LRRC69: variants seen among roughly 807,000 people sequenced by gnomAD.
LRRC69 encodes the protein leucine-rich repeat-containing protein 69.
A neutral mutation model predicts 37.8 loss-of-function variants in LRRC69; 42 were observed. The ratio of observed to expected loss-of-function variants is 1.11; its 90% CI spans 0.87 to 1.44. The LOEUF is 1.44. LRRC69 is among the 40% of genes most tolerant of loss of function. The pLI, the probability that LRRC69 is intolerant of heterozygous loss-of-function variation, is 0.00. For missense variants in LRRC69, 357 were observed against 401.9 expected (o/e 0.89, Z 0.96); for synonymous variants, 141 against 143.1 (o/e 0.99, Z 0.11).
chr8:91,103,276 G>GGATCCTAAATACA (rs1305511857), intron 1 of LRRC69, among the ~76,000 whole-genome samples: 2 of 151,442 alleles, frequency 1.3e-5, no homozygotes. Context: ...GATGCAGCAA[G>GGATCCTAAATACA]GGAGTTCCTT....
At chr8:91,125,402 T>C (rs1813699860) in intron 2 of LRRC69, among the ~76,000 whole-genome samples, 2 of 151,882 alleles carry the variant, frequency 1.3e-5, no homozygotes, top group Non-Finnish European at 2.9e-5. Flanking sequence ...ATTTGGCAAA[T>C]AGCACAAGTA....
chr8:91,196,899 T>G (rs1809612670), intron 6 of LRRC69, among the ~76,000 whole-genome samples: 1 of 152,140 alleles, frequency 6.6e-6, no homozygotes, highest in South Asian at 2.1e-4. Flanking sequence ...CTGCGTTCCT[T>G]TGGAGGAGGA....
chr8:91,208,852 G>A (rs1809853310), intron 7 of LRRC69, among the ~76,000 whole-genome samples: 1 of 152,090 alleles, frequency 6.6e-6, no homozygotes, highest in South Asian at 2.1e-4. Flanking sequence ...ACTTCCCATT[G>A]GTCATGCTTC....
intron 7 of LRRC69, among the ~76,000 whole-genome samples, chr8:91,211,362 A>G (rs1809913909): frequency 6.6e-6 from 1 of 151,736 alleles, no homozygotes; most frequent in African/African-American, 2.4e-5. Flanking sequence ...AAATTTAAGG[A>G]TGCTTAAAAT....
intron 6 of LRRC69, among the ~76,000 whole-genome samples, chr8:91,199,288 T>C (rs1809674070): frequency 6.6e-6 from 1 of 152,194 alleles, no homozygotes; most frequent in Non-Finnish European, 1.5e-5. Flanking sequence ...AATATTAGTG[T>C]GAAAGCATGA....
At chr8:91,107,092 C>G (rs1473500934) in intron 1 of LRRC69, among the ~76,000 whole-genome samples, 2 of 150,672 alleles carry the variant, frequency 1.3e-5, no homozygotes, top group African/African-American at 4.9e-5. Context: ...GTAAGCCACC[C>G]CACCTAGCCC....
intron 5 of LRRC69, among the ~76,000 whole-genome samples, chr8:91,175,106 G>C (rs1280431133): frequency 6.6e-6 from 1 of 152,114 alleles, no homozygotes; most frequent in Non-Finnish European, 1.5e-5. Flanking sequence ...TGCTGTGCAT[G>C]TTTTCTTTTG....
chr8:91,190,920 G>A (rs960232317), intron 6 of LRRC69, among the ~76,000 whole-genome samples: 1 of 151,942 alleles, frequency 6.6e-6, no homozygotes. Context: ...GCCAGGCATG[G>A]CAGTGTGTGC....
At chr8:91,158,180 G>A in intron 5 of LRRC69, 1 of 1,604,458 alleles carries the variant, frequency 6.2e-7, no homozygotes, top group Non-Finnish European at 8.5e-7. Context: ...AGCTGGAACA[G>A]AGGATTCTGC....
chr8:91,142,331 A>G (rs907727578), intron 5 of LRRC69, among the ~76,000 whole-genome samples: 2 of 152,104 alleles, frequency 1.3e-5, no homozygotes, highest in African/African-American at 2.4e-5. Flanking sequence ...TTAGCAATCT[A>G]TCTAACAACC....
chr8:91,127,298 C>A (rs1048059845), intron 3 of LRRC69, 138 bp downstream of exon 3: 32 of 583,742 alleles, frequency 5.5e-5, no homozygotes, highest in Non-Finnish European at 2.9e-6. Context: ...AGGACTGAGG[C>A]AAGCCACTAA....
At chr8:91,107,943 G>A (rs1198690906) in intron 1 of LRRC69, among the ~76,000 whole-genome samples, 3 of 152,040 alleles carry the variant, frequency 2.0e-5, no homozygotes, top group Non-Finnish European at 4.4e-5. Context: ...GTCAACATGA[G>A]TGAAATGGAA....
chr8:91,104,317 A>C (rs1281031445), intron 1 of LRRC69, among the ~76,000 whole-genome samples: 1 of 151,934 alleles, frequency 6.6e-6, no homozygotes. Context: ...TTTTACTTTT[A>C]TAACACTTAC....
At chr8:91,189,616 G>T (rs201088145) in exon 6 of LRRC69, 1 of 1,547,708 alleles carries the variant, frequency 6.5e-7, no homozygotes, top group Admixed American at 2.0e-5. Context: ...AACGTCTGGA[G>T]TCTACAGGTG....
intron 5 of LRRC69, among the ~76,000 whole-genome samples, chr8:91,162,102 A>G (rs867335217): frequency 9.3e-5 from 14 of 151,334 alleles, no homozygotes; most frequent in African/African-American, 3.4e-4. Flanking sequence ...GTTTTATTCC[A>G]TTGTGATCTG....
chr8:91,189,550 A>C (rs764420753), exon 6 of LRRC69: 1 of 1,551,052 alleles, frequency 6.4e-7, no homozygotes. Flanking sequence ...AGGGAATTCT[A>C]CTGTGAGGGA....
chr8:91,174,058 C>CTTTTTTTTTTTTTTTTT (rs1301739930), intron 5 of LRRC69, among the ~76,000 whole-genome samples: 1 of 19,248 alleles, frequency 5.2e-5, no homozygotes, highest in African/African-American at 3.1e-4. Context: ...TATTTTTCTA[C>CTTTTTTTTTTTTTTTTT]AATGCCTTGA....
At chr8:91,143,500 T>A (rs1236748069) in intron 5 of LRRC69, among the ~76,000 whole-genome samples, 1 of 152,038 alleles carries the variant, frequency 6.6e-6, no homozygotes, top group African/African-American at 2.4e-5. Flanking sequence ...ATCTGTAGCT[T>A]CCATAAACAC....
intron 5 of LRRC69, among the ~76,000 whole-genome samples, chr8:91,151,434 C>T (rs1193193057): frequency 2.6e-5 from 4 of 151,702 alleles, no homozygotes; most frequent in Non-Finnish European, 5.9e-5. Flanking sequence ...AGTTTGATTG[C>T]ACTGTGGTCT....
Sources: gnomAD v4.1 joint callset for allele counts (sites outside exome capture counted in the v4.1 genomes callset) on GRCh38, gnomAD v4.1.1 for gene constraint, MANE v1.5 for transcripts, NCBI Gene and HGNC (gene_info 2026-07-23, HGNC 2026-07-21) for gene names.